NTN1: variants seen among roughly 807,000 people sequenced by gnomAD.
The protein encoded by NTN1 is netrin 1.
In NTN1, 11 loss-of-function variants were observed where a neutral mutation model predicts 54.2. The observed-to-expected ratio is 0.20, with a 90% CI of 0.13 to 0.34. The LOEUF (loss-of-function observed/expected upper bound fraction) is 0.34, where lower values mean the gene tolerates loss of function less well. Ranked by LOEUF, NTN1 falls within the 10% of genes least tolerant of loss-of-function variation. The pLI is 1.00. For missense variants in NTN1, 740 were observed against 893.1 expected (o/e 0.83, Z 2.18); for synonymous variants, 371 against 382.0 (o/e 0.97, Z 0.33).
At chr17:9,181,326 T>G (rs1044961709) in intron 4 of NTN1, among the ~76,000 whole-genome samples, 1 of 152,158 alleles carries the variant, frequency 6.6e-6, no homozygotes, top group African/African-American at 2.4e-5. Flanking sequence ...TGGGCAGCCA[T>G]GGGCCCTGTG....
At chr17:9,100,612 T>C (rs1453622427) in intron 2 of NTN1, among the ~76,000 whole-genome samples, 2 of 152,220 alleles carry the variant, frequency 1.3e-5, no homozygotes, top group Non-Finnish European at 2.9e-5. Context: ...TATCTGCATA[T>C]GCATATCTTA....
At chr17:9,138,963 G>A (rs2092289481) in intron 2 of NTN1, among the ~76,000 whole-genome samples, 1 of 152,170 alleles carries the variant, frequency 6.6e-6, no homozygotes, top group African/African-American at 2.4e-5. Context: ...CCCTGAATGT[G>A]CTTTTCACCT....
intron 2 of NTN1, among the ~76,000 whole-genome samples, chr17:9,026,031 A>G (rs2091869415): frequency 1.3e-5 from 2 of 152,192 alleles, no homozygotes; most frequent in Non-Finnish European, 2.9e-5. Flanking sequence ...TAATTCCCAT[A>G]ATCAGTCTTA....
intron 6 of NTN1, among the ~76,000 whole-genome samples, chr17:9,224,361 G>C (rs916707229): frequency 6.6e-5 from 10 of 152,204 alleles, no homozygotes; most frequent in African/African-American, 1.9e-4. Flanking sequence ...CCTGGGCAAT[G>C]GGGGGCATCT....
chr17:9,079,207 A>G (rs8079995), intron 2 of NTN1, among the ~76,000 whole-genome samples: 84,504 of 152,084 alleles, frequency 0.56, 23,783 homozygotes, highest in African/African-American at 0.63. Context: ...TTGCTGTGCC[A>G]AGGGAGTAGA....
Position 9,240,904 on chromosome 17 carries a change from G to A in NTN1, c.*936G>A, listed in dbSNP as rs1184267025. The stretch of plus-strand genomic sequence containing the variant: ...CCAGAGAGTTTCCTTTTGGAAACTT[G>A]GAACCAGCCCTTTTTATGACGTTTT... On this transcript the variant is annotated 3_prime_UTR_variant, in exon 7 of 7. Coordinates refer to ENST00000173229, the MANE Select transcript of NTN1 (RefSeq NM_004822.3). The A allele has an allele frequency of 6.6e-6, 1 of 152,312 alleles. No homozygotes were observed. The highest frequency in any genetic ancestry group is 2.4e-5 in the African/African-American group (1 of 41,460). 9.4% of individuals were successfully genotyped at this position (152,312 alleles called of 1,614,324 possible). A position where few individuals can be genotyped will look rare whatever the true frequency, so the allele number is the denominator to read the frequency against.
chr17:9,227,590 GCATA>G (rs1905628360), intron 6 of NTN1, among the ~76,000 whole-genome samples: 6 of 106,264 alleles, frequency 5.6e-5, no homozygotes, highest in East Asian at 3.0e-4. Context: ...ACACACGCAT[GCATA>G]CACACACCAT....
At chr17:9,006,611 A>G in the NTN1 span, among the ~76,000 whole-genome samples, 1 of 152,260 alleles carries the variant, frequency 6.6e-6, no homozygotes, top group Non-Finnish European at 1.5e-5. Context: ...GACGTGCAAC[A>G]TGAATCTTCT....
At chr17:9,228,998 CTGTGACTGTAAG>C (rs1448905003) in intron 6 of NTN1, among the ~76,000 whole-genome samples, 1 of 145,804 alleles carries the variant, frequency 6.9e-6, no homozygotes, top group Non-Finnish European at 1.5e-5. Flanking sequence ...GTGACTGATT[CTGTGACTGTAAG>C]TGTGACTGTG....
Position 9,046,591 on chromosome 17 carries a change from A to G in NTN1, c.1018+23200A>G, listed in dbSNP as rs1272876415. The stretch of plus-strand genomic sequence containing the variant: ...TGCTTGAGCCCAGGAGTTCAAGACC[A>G]GCCTGGGCAACATGGCGAAACCCTG... On this transcript the variant is annotated intron_variant, in intron 2 of 6. Coordinates refer to ENST00000173229, the MANE Select transcript of NTN1 (RefSeq NM_004822.3). 2.0e-5 allele frequency among the ~76,000 whole-genome samples: 3 copies of G among 152,040 alleles called. No homozygotes were observed. In the South Asian group the frequency reaches 6.2e-4, roughly 32 times the overall value.
At chr17:9,081,536 C>T (rs940318768) in intron 2 of NTN1, among the ~76,000 whole-genome samples, 2 of 152,194 alleles carry the variant, frequency 1.3e-5, no homozygotes, top group Non-Finnish European at 2.9e-5. Context: ...CCTCACCTCT[C>T]GTCCTCCACC....
chr17:9,182,422 G>T (rs889211281), intron 4 of NTN1, among the ~76,000 whole-genome samples: 13 of 152,376 alleles, frequency 8.5e-5, no homozygotes, highest in African/African-American at 3.1e-4. Context: ...AACCTGGGCC[G>T]TGCTGCCAAC....
At chr17:9,092,792 T>A (rs961738441) in intron 2 of NTN1, among the ~76,000 whole-genome samples, 1 of 151,618 alleles carries the variant, frequency 6.6e-6, no homozygotes, top group African/African-American at 2.4e-5. Flanking sequence ...AGAGTCTCGC[T>A]CTGTCGCCCA....
the NTN1 span, among the ~76,000 whole-genome samples, chr17:9,015,801 T>C: frequency 6.6e-6 from 1 of 152,144 alleles, no homozygotes; most frequent in Non-Finnish European, 1.5e-5. Flanking sequence ...CCGAGCGTGG[T>C]GGCTCACACC....
chr17:9,227,334 TACAC>T (rs1219014286), intron 6 of NTN1, among the ~76,000 whole-genome samples: 1 of 142,062 alleles, frequency 7.0e-6, no homozygotes, highest in East Asian at 2.1e-4. Flanking sequence ...CAAACACAGA[TACAC>T]AGACTATCAG....
intron 2 of NTN1, among the ~76,000 whole-genome samples, chr17:9,117,056 G>A (rs770273607): frequency 6.6e-6 from 1 of 152,210 alleles, no homozygotes; most frequent in Non-Finnish European, 1.5e-5. Flanking sequence ...GCGGGGAGAG[G>A]AGCCTCTGGG....
chr17:9,015,982 G>A, the NTN1 span, among the ~76,000 whole-genome samples: 2 of 151,986 alleles, frequency 1.3e-5, no homozygotes, highest in Admixed American at 6.5e-5. Flanking sequence ...GCTGAGGCAG[G>A]AGAATTGCTT....
At chr17:9,134,191 C>T (rs1378396744) in intron 2 of NTN1, among the ~76,000 whole-genome samples, 2 of 152,158 alleles carry the variant, frequency 1.3e-5, no homozygotes, top group Non-Finnish European at 1.5e-5. Context: ...GCATGAGCCA[C>T]CACACCTGGC....
At chr17:9,018,252 G>C (rs1010026664), upstream of NTN1, among the ~76,000 whole-genome samples, 1 of 152,098 alleles carries the variant, frequency 6.6e-6, no homozygotes, top group Admixed American at 6.6e-5. Context: ...GAAGACCCCT[G>C]GCCTAAGCTC....
Sources: gnomAD v4.1 joint callset for allele counts (sites outside exome capture counted in the v4.1 genomes callset) on GRCh38, gnomAD v4.1.1 for gene constraint, MANE v1.5 for transcripts, NCBI Gene and HGNC (gene_info 2026-07-23, HGNC 2026-07-21) for gene names.